The following DCAF15 variants were observed in gnomAD, a reference collection of about 807,000 sequenced individuals.
DCAF15 encodes DDB1 and CUL4 associated factor 15.
Under a neutral mutation model 68.0 loss-of-function variants are expected in DCAF15, and 24 were observed. The ratio of observed to expected loss-of-function variants is 0.35; its 90% CI spans 0.26 to 0.50. The LOEUF (loss-of-function observed/expected upper bound fraction) is 0.50, where lower values mean the gene tolerates loss of function less well. DCAF15 is among the 20% of genes least tolerant of loss of function. The pLI is 0.98. For synonymous variants in DCAF15, 376 were observed against 341.6 expected, an observed-to-expected ratio of 1.10 and a Z score of -1.11; for missense variants, 627 against 830.6, an observed-to-expected ratio of 0.75 and a Z score of 3.01.
chr19:13,960,656 C>G lies in DCAF15; in HGVS notation c.1747+76C>G, dbSNP rs575580664. On this transcript the variant is annotated intron_variant, in intron 12 of 12. Coordinates refer to ENST00000254337, the MANE Select transcript of DCAF15 (RefSeq NM_138353.4). ...TCACCCAGGAGCTGATTCCTGAGCG[C>G]TGATGAAATGGGTGGGAAGGCTGGT... is the stretch of plus-strand genomic sequence containing the variant. The G allele has an allele frequency of 2.2e-6, 3 of 1,372,856 alleles. No individual in the cohort carries two copies. The East Asian group carries it at 7.5e-5, about 34-fold the overall frequency. 85.0% of individuals were successfully genotyped at this position (1,372,856 alleles called of 1,614,324 possible).
At chr19:13,954,062 C>T (rs1262746959) in intron 1 of DCAF15, among the ~76,000 whole-genome samples, 1 of 152,142 alleles carries the variant, frequency 6.6e-6, no homozygotes, top group African/African-American at 2.4e-5. Flanking sequence ...GGCGGTGACG[C>T]TGGGCTCAGT....
chr19:13,960,816 A>G (rs1599464902), intron 12 of DCAF15, 124 bp from the exon 13 acceptor site: 1 of 1,241,666 alleles, frequency 8.1e-7, no homozygotes, highest in Non-Finnish European at 1.2e-6. Flanking sequence ...CTAGAGGTGG[A>G]GGGCAACTCA....
chr19:13,953,846 C>G (rs140438354), intron 1 of DCAF15, among the ~76,000 whole-genome samples: 1 of 152,164 alleles, frequency 6.6e-6, no homozygotes, highest in African/African-American at 2.4e-5. Flanking sequence ...CTATCTGCCT[C>G]GACTGGCCCC....
chr19:13,956,109 A>G lies in DCAF15; in HGVS notation c.474-14A>G, dbSNP rs1423960096. On this transcript the variant is annotated splice_polypyrimidine_tract_variant and intron_variant, in intron 4 of 12. Transcript: ENST00000254337. The stretch of plus-strand genomic sequence containing the variant: ...AGGCGCCGACCAGGCAGCTGAGGGT[A>G]TGCTGGCCCCCAGCACCCGCTCGGC... 1.2e-6 allele frequency: 2 copies of G among 1,609,826 alleles called. No individual in the cohort carries two copies. Among genetic ancestry groups the G allele is most frequent in the African/African-American group, 1.3e-5 (1 of 74,818 alleles).
chr19:13,960,710 G>A, intron 12 of DCAF15, 130 bp downstream of exon 12: 1 of 1,054,956 alleles, frequency 9.5e-7, no homozygotes, highest in Non-Finnish European at 1.4e-6. Context: ...GCCAGGCCCA[G>A]CTCAGCAGCC....
At position 13,952,776 on chromosome 19, in the gene DCAF15, G is replaced by A. The variant is rs1048634083; in HGVS notation, c.132+132G>A. 3.5e-5 allele frequency: 43 copies of A among 1,232,832 alleles called. No individual in the cohort carries two copies. In the African/African-American group the frequency reaches 7.2e-4, roughly 21 times the overall value. 76.4% of individuals were successfully genotyped at this position (1,232,832 alleles called of 1,614,324 possible). A position where few individuals can be genotyped will look rare whatever the true frequency, so the allele number is the denominator to read the frequency against. The stretch of plus-strand genomic sequence containing the variant: ...CCAGGGGAGGGGGCTCGGATGCAGG[G>A]CCTGGGCGGGGCCCGGGGGAGATGG... On this transcript the variant is annotated intron_variant, in intron 1 of 12. Transcript: ENST00000254337.
chr19:13,961,042 G>A lies in DCAF15; in HGVS notation c.*47G>A. On this transcript the variant is annotated 3_prime_UTR_variant, in exon 13 of 13. Transcript: ENST00000254337. The stretch of plus-strand genomic sequence containing the variant: ...TGACTCCAACTACCTCCGTGGCCTG[G>A]GACCGGCCCCCTTCCTGGGGTGGCC... 1 of 1,610,438 alleles carries A rather than the reference G, an allele frequency of 6.2e-7. No homozygotes were observed. The highest frequency in any genetic ancestry group is 1.1e-5 in the South Asian group (1 of 91,020).
chr19:13,958,955 C>T, intron 6 of DCAF15, 90 bp from the exon 7 acceptor site: 1 of 1,476,854 alleles, frequency 6.8e-7, no homozygotes, highest in Non-Finnish European at 9.1e-7. Context: ...GAAGTGTCTC[C>T]TTAAGGTGGG....
chr19:13,960,651 G>A, intron 12 of DCAF15, 71 bp downstream of exon 12: 1 of 1,395,876 alleles, frequency 7.2e-7, no homozygotes, highest in African/African-American at 1.4e-5. Flanking sequence ...GCTGATTCCT[G>A]AGCGCTGATG....
At chr19:13,960,232 C>T (rs1348034498) in intron 10 of DCAF15, 55 bp from the exon 11 acceptor site, 1 of 1,591,490 alleles carries the variant, frequency 6.3e-7, no homozygotes, top group Non-Finnish European at 8.6e-7. Context: ...AGCCTGGGGC[C>T]TGGTTCAGGA....
At chr19:13,954,268 CCT>C (rs1973239099) in intron 1 of DCAF15, 70 bp from the exon 2 acceptor site, 2 of 1,347,700 alleles carry the variant, frequency 1.5e-6, no homozygotes, top group Admixed American at 1.8e-5. Flanking sequence ...AGCCGCTCTG[CCT>C]CTCTGCCGTG....
chr19:13,956,337 C>T lies in DCAF15; in HGVS notation c.614-15C>T, dbSNP rs146684806. The T allele has an allele frequency of 9.3e-4, 1,498 of 1,613,302 alleles. 20 individuals carry two copies. In the South Asian group the frequency reaches 0.014, roughly 15 times the overall value. Reference sequence around the variant, plus strand: ...CCGGGCCGAGAGTGAGCTGCTGTGGCGTGTGTTGCTACAGGAGACCCGAAT... The same window carrying T: ...CCGGGCCGAGAGTGAGCTGCTGTGGTGTGTGTTGCTACAGGAGACCCGAAT... On this transcript the variant is annotated splice_polypyrimidine_tract_variant and intron_variant, in intron 5 of 12. Coordinates refer to ENST00000254337, the MANE Select transcript of DCAF15 (RefSeq NM_138353.4).
chr19:13,954,396 G>C lies in DCAF15; in HGVS notation c.189G>C (p.Val63=). The C allele has an allele frequency of 6.2e-7, 1 of 1,613,906 alleles. No homozygotes were observed. The highest frequency in any genetic ancestry group is 8.5e-7 in the Non-Finnish European group (1 of 1,179,996). ...GGAAGCTGCCTCCCCGGGTGTGCGT[G>C]TCCCTCAAGAACATTGTGGATGAGG... is the stretch of plus-strand genomic sequence containing the variant. ...LFRKLPPRVC[V]SLKNIVDEDF... The change falls in exon 2 of 13, where the codon GTG becomes GTC. Residue 63 remains valine, a synonymous_variant. Coordinates refer to ENST00000254337, the MANE Select transcript of DCAF15 (RefSeq NM_138353.4).
chr19:13,959,523 C>T (rs370035376), intron 7 of DCAF15, 44 bp downstream of exon 7: 183 of 1,611,014 alleles, frequency 1.1e-4, no homozygotes, highest in Non-Finnish European at 2.0e-5. Context: ...GATGGAGAGG[C>T]CAGCCCAGAC....
rs948307956 is a variant in DCAF15, at chr19:13,961,344, AT to A, written c.*351del. On this transcript the variant is annotated 3_prime_UTR_variant, in exon 13 of 13. Transcript: ENST00000254337. ...CCCTCGGGGAGGTCGAATGGACCCCATTCCCCCTGCCCTGCCCGCCCCCAGC... is the reference window on the plus strand; with the variant it reads ...CCCTCGGGGAGGTCGAATGGACCCCATCCCCCTGCCCTGCCCGCCCCCAGC... 2.6e-5 allele frequency: 9 copies of A among 346,302 alleles called. No homozygotes were observed. The highest frequency in any genetic ancestry group is 4.2e-5 in the African/African-American group (2 of 47,564). 21.5% of individuals were successfully genotyped at this position (346,302 alleles called of 1,614,324 possible).
intron 6 of DCAF15, among the ~76,000 whole-genome samples, chr19:13,956,824 C>T (rs1345549785): frequency 1.3e-5 from 2 of 152,202 alleles, no homozygotes; most frequent in South Asian, 2.1e-4. Flanking sequence ...TCCAGTGGTG[C>T]GATCTTGGCT....
chr19:13,960,996 G>T lies in DCAF15; in HGVS notation c.*1G>T, dbSNP rs1462042535. 8 of 1,613,594 alleles carry T rather than the reference G, an allele frequency of 5.0e-6. No homozygotes were observed. Among genetic ancestry groups the T allele is most frequent in the Non-Finnish European group, 6.8e-6 (8 of 1,180,008 alleles). On this transcript the variant is annotated 3_prime_UTR_variant, in exon 13 of 13. Coordinates refer to ENST00000254337, the MANE Select transcript of DCAF15 (RefSeq NM_138353.4). ...GCGATATACGTGGATCGTGCTGTGA[G>T]GGCCAGGCCGCCCCGGACACTGACT...
At position 13,961,212 on chromosome 19, in the gene DCAF15, G is replaced by T. The variant is rs1235665590; in HGVS notation, c.*217G>T. On this transcript the variant is annotated 3_prime_UTR_variant, in exon 13 of 13. Transcript: ENST00000254337. ...TTAAGTTGGGAAGGGGCAGAGAGAG[G>T]GCGCCCCCTGCCCCACCAGCCTGAG... is the stretch of plus-strand genomic sequence containing the variant. 2.0e-5 allele frequency: 12 copies of T among 609,536 alleles called. No homozygotes were observed. The highest frequency in any genetic ancestry group is 3.5e-5 in the Non-Finnish European group (12 of 345,522). 37.8% of individuals were successfully genotyped at this position (609,536 alleles called of 1,614,324 possible). A position where few individuals can be genotyped will look rare whatever the true frequency, so the allele number is the denominator to read the frequency against.
At chr19:13,960,134 G>A in intron 10 of DCAF15, 65 bp downstream of exon 10, 1 of 1,596,538 alleles carries the variant, frequency 6.3e-7, no homozygotes, top group Non-Finnish European at 8.5e-7. Context: ...TTCACGGTGG[G>A]GGTGTGGGGA....
Sources: gnomAD v4.1 joint callset for allele counts (sites outside exome capture counted in the v4.1 genomes callset) on GRCh38, gnomAD v4.1.1 for gene constraint, MANE v1.5 for transcripts, NCBI Gene and HGNC (gene_info 2026-07-23, HGNC 2026-07-21) for gene names.